The following AK9 variants were observed in gnomAD, a reference collection of about 807,000 sequenced individuals.
The protein encoded by AK9 is adenylate kinase domain containing 1.
Under a neutral mutation model 239.6 loss-of-function variants are expected in AK9, and 191 were observed. The ratio of observed to expected loss-of-function variants is 0.80; its 90% CI spans 0.71 to 0.90. The LOEUF is 0.90. Among genes scored for constraint, AK9 ranks in the 40% least tolerant of loss-of-function variants. The pLI, the probability that AK9 is intolerant of heterozygous loss-of-function variation, is 0.00. For synonymous variants in AK9, 689 were observed against 721.0 expected, an observed-to-expected ratio of 0.96 and a Z score of 0.71; for missense variants, 1,995 against 2,214.7, an observed-to-expected ratio of 0.90 and a Z score of 1.99.
intron 17 of AK9, among the ~76,000 whole-genome samples, chr6:109,588,727 A>G (rs1562456071): frequency 6.6e-6 from 1 of 152,038 alleles, no homozygotes. Flanking sequence ...CTTACATTTA[A>G]GTTTTTAACC....
intron 10 of AK9, among the ~76,000 whole-genome samples, chr6:109,640,665 C>G (rs962219883): frequency 6.6e-6 from 1 of 151,758 alleles, no homozygotes; most frequent in Non-Finnish European, 1.5e-5. Context: ...GATCCTTCCA[C>G]CTCAGCCTTC....
At chr6:109,618,446 C>T (rs1394170823) in intron 13 of AK9, among the ~76,000 whole-genome samples, 1 of 130,920 alleles carries the variant, frequency 7.6e-6, no homozygotes, top group African/African-American at 2.6e-5. Flanking sequence ...AAAAACAAAA[C>T]GCTTTTTGTC....
At chr6:109,560,767 A>G (rs1785653249) in intron 24 of AK9, among the ~76,000 whole-genome samples, 1 of 152,174 alleles carries the variant, frequency 6.6e-6, no homozygotes, top group African/African-American at 2.4e-5. Context: ...TGGTATCAGA[A>G]TAATGCTGAT....
chr6:109,580,186 A>T (rs935779585), intron 19 of AK9, among the ~76,000 whole-genome samples: 3 of 152,174 alleles, frequency 2.0e-5, no homozygotes, highest in Non-Finnish European at 4.4e-5. Context: ...CTAATAAGAA[A>T]AAAACCCTAA....
chr6:109,546,209 A>G (rs546412143), intron 25 of AK9, 82 bp from the exon 26 acceptor site: 18 of 1,315,752 alleles, frequency 1.4e-5, no homozygotes, highest in Admixed American at 6.9e-5. Flanking sequence ...AGAACACATA[A>G]GACTTATTAA....
intron 21 of AK9, 56 bp from the exon 22 acceptor site, chr6:109,564,901 G>C (rs1452649460): frequency 3.8e-6 from 5 of 1,319,384 alleles, no homozygotes; most frequent in Non-Finnish European, 5.1e-6. Flanking sequence ...ATTCCTTTAT[G>C]AAAGTTTTGG....
In AK9 at chr6:109,621,918, A is replaced by AC. The variant is rs1248055617; in HGVS notation, c.1255-2683_1255-2682insG. Among the ~76,000 whole-genome samples, 723 of 93,370 alleles carry AC rather than the reference A, an allele frequency of 7.7e-3. 25 individuals are homozygous for AC. The highest frequency in any genetic ancestry group is 0.022 in the African/African-American group (682 of 31,582). The allele number at this position is 93,370 out of a possible 152,430, so 61.3% of individuals were successfully genotyped here. Reference sequence around the variant, plus strand: ...TAAAAAAAAAAAAAAAAAAACAAAAAAAAAACAGAAAGAGAAATTCCAGAG... The same window carrying AC: ...TAAAAAAAAAAAAAAAAAAACAAAAACAAAAACAGAAAGAGAAATTCCAGAG... On this transcript the variant is annotated intron_variant, in intron 12 of 40. Transcript: ENST00000424296.
chr6:109,542,210 C>T, intron 26 of AK9, 39 bp from the exon 27 acceptor site: 1 of 1,542,868 alleles, frequency 6.5e-7, no homozygotes. Context: ...AGTTTTAAAA[C>T]TCTATGCTAA....
At chr6:109,603,386 G>A (rs117483718) in intron 17 of AK9, among the ~76,000 whole-genome samples, 3,168 of 152,254 alleles carry the variant, frequency 0.021, 84 homozygotes, top group East Asian at 0.11. Flanking sequence ...GCAGTACAGC[G>A]AATATTGCTG....
chr6:109,548,072 T>A (rs567266914), intron 25 of AK9, among the ~76,000 whole-genome samples: 2 of 151,876 alleles, frequency 1.3e-5, no homozygotes, highest in Admixed American at 6.6e-5. Context: ...CAAATACTGA[T>A]GAGGATGTGA....
intron 1 of AK9, among the ~76,000 whole-genome samples, chr6:109,679,460 G>T (rs1480981287): frequency 3.3e-4 from 50 of 152,150 alleles, no homozygotes; most frequent in Non-Finnish European, 1.3e-4. Flanking sequence ...CCAGTCAGGG[G>T]CTTATAGATA....
At chr6:109,538,394 G>C (rs1046017573) in intron 27 of AK9, among the ~76,000 whole-genome samples, 2 of 152,034 alleles carry the variant, frequency 1.3e-5, no homozygotes, top group Non-Finnish European at 2.9e-5. Context: ...TTTGTTGGTT[G>C]AAAGTCTGTT....
chr6:109,650,558 G>A (rs1283075550), intron 8 of AK9, among the ~76,000 whole-genome samples: 11 of 151,850 alleles, frequency 7.2e-5, no homozygotes, highest in Non-Finnish European at 1.3e-4. Flanking sequence ...TTAGAATGGC[G>A]ATCATTAAAA....
chr6:109,595,893 C>T (rs1790961180), intron 17 of AK9, among the ~76,000 whole-genome samples: 1 of 152,030 alleles, frequency 6.6e-6, no homozygotes, highest in South Asian at 2.1e-4. Context: ...GGAGAAATAC[C>T]TAATGTAGAT....
At chr6:109,539,413 C>T (rs193103719) in intron 27 of AK9, among the ~76,000 whole-genome samples, 108 of 152,304 alleles carry the variant, frequency 7.1e-4, no homozygotes, top group African/African-American at 1.2e-3. Context: ...GAAGCTTGTG[C>T]ATTCATCACG....
intron 30 of AK9, 71 bp from the exon 31 acceptor site, chr6:109,516,146 TA>T: frequency 7.8e-7 from 1 of 1,285,596 alleles, no homozygotes; most frequent in Non-Finnish European, 1.1e-6. Context: ...TCACAGCATG[TA>T]GACACTGCTG....
In AK9 at chr6:109,637,355, T is replaced by C. The variant is rs35086847; in HGVS notation, c.934-4032A>G. Among the ~76,000 whole-genome samples, 175 of 152,240 alleles carry C rather than the reference T, an allele frequency of 1.1e-3. No homozygotes were observed. The Middle Eastern group carries it at 0.014, about 12-fold the overall frequency. ...CTTTCTGTGGGTTGTCTTTTTACTC[T>C]ATTGATTGATGTGTTTTCCTTTTTT... On this transcript the variant is annotated intron_variant, in intron 10 of 40. Transcript: ENST00000424296.
intron 17 of AK9, among the ~76,000 whole-genome samples, chr6:109,599,430 C>T (rs574817987): frequency 2.6e-4 from 40 of 152,266 alleles, no homozygotes; most frequent in African/African-American, 9.1e-4. Context: ...TTCCATTGGT[C>T]TATGTATCTG....
chr6:109,550,261 G>T lies in AK9; in HGVS notation c.2793C>A (p.Asp931Glu). 6.2e-7 allele frequency: 1 copy of T among 1,612,522 alleles called. No individual in the cohort carries two copies. Residue 931 changes from aspartate (D) to glutamate (E), a missense_variant, in exon 25 of 41, where the codon GAC (aspartate) becomes GAA (glutamate). By Grantham distance (45) the Asp-to-Glu change is conservative (BLOSUM62 2). Transcript: ENST00000424296. ...KMKERKRHLGDTKHFCPVVLK... is the reference protein window; with the variant it reads ...KMKERKRHLGETKHFCPVVLK... Reference sequence around the variant, plus strand: ...GGACCACCGGACAAAAGTGTTTTGTGTCTCCCAAATGCCTCTTTCTCTCCT... The same window carrying T: ...GGACCACCGGACAAAAGTGTTTTGTTTCTCCCAAATGCCTCTTTCTCTCCT...
Sources: gnomAD v4.1 joint callset for allele counts (sites outside exome capture counted in the v4.1 genomes callset) on GRCh38, gnomAD v4.1.1 for gene constraint, MANE v1.5 for transcripts, NCBI Gene and HGNC (gene_info 2026-07-23, HGNC 2026-07-21) for gene names.